The following ZNF317 variants were observed in gnomAD, a reference collection of about 807,000 sequenced individuals.
The protein encoded by ZNF317 is zinc finger protein 317, also known as KRAB-containing zinc finger protein 317.
Under a neutral mutation model 23.4 loss-of-function variants are expected in ZNF317, and 17 were observed. That is an observed-to-expected ratio of 0.73 (90% CI 0.50 to 1.09). The LOEUF is 1.09. ZNF317 is among the 50% of genes least tolerant of loss of function. The probability of loss-of-function intolerance (pLI) is 0.00; values close to 1 mark genes in which losing one functional copy is unlikely to be tolerated. For synonymous variants in ZNF317, 317 were observed against 314.9 expected (o/e 1.01, Z -0.07); for missense variants, 679 against 796.7 (o/e 0.85, Z 1.78).
In ZNF317 at chr19:9,157,253, T is replaced by G; in HGVS notation, c.163-15T>G. The stretch of plus-strand genomic sequence containing the variant: ...GCTGGTTCCTCGCTGACCCCAAGTT[T>G]GTGTGGCGTTCCAGGAATCGGTGAC... On this transcript the variant is annotated splice_polypyrimidine_tract_variant and intron_variant, in intron 3 of 6. Coordinates refer to ENST00000247956, the MANE Select transcript of ZNF317 (RefSeq NM_020933.5). The G allele has an allele frequency of 6.2e-7, 1 of 1,613,294 alleles. No individual in the cohort carries two copies. Among genetic ancestry groups the G allele is most frequent in the Non-Finnish European group, 8.5e-7 (1 of 1,179,586 alleles).
At chr19:9,155,472 A>T (rs562934044) in intron 1 of ZNF317, among the ~76,000 whole-genome samples, 1 of 152,256 alleles carries the variant, frequency 6.6e-6, no homozygotes, top group Admixed American at 6.5e-5. Context: ...GATTCTAGTG[A>T]TGATGCAGTC....
chr19:9,147,974 G>A (rs8100137), intron 1 of ZNF317, among the ~76,000 whole-genome samples: 70,726 of 151,816 alleles, frequency 0.47, 17,422 homozygotes, highest in African/African-American at 0.64. Flanking sequence ...CGTGATGGCG[G>A]GTGAGTTCTC....
Position 9,158,367 on chromosome 19 carries a change from T to C in ZNF317, c.385+292T>C, listed in dbSNP as rs987469217. On this transcript the variant is annotated intron_variant, in intron 5 of 6. Transcript: ENST00000247956. ...ATTGCCTTAAATTTCTTTTTTCTTT[T>C]TTTTTTTTTTTTTTTTTTTTTTTTG... 1.2e-4 allele frequency among the ~76,000 whole-genome samples: 8 copies of C among 68,896 alleles called. No homozygotes were observed. The East Asian group carries it at 1.3e-3, about 12-fold the overall frequency. 45.2% of individuals were successfully genotyped at this position (68,896 alleles called of 152,430 possible).
At chr19:9,146,767 G>T (rs1210922794) in intron 1 of ZNF317, among the ~76,000 whole-genome samples, 1 of 152,114 alleles carries the variant, frequency 6.6e-6, no homozygotes, top group Non-Finnish European at 1.5e-5. Context: ...AATGGTTCTA[G>T]CAAGGGCAGA....
At chr19:9,141,119 C>T (rs148268032) in intron 1 of ZNF317, among the ~76,000 whole-genome samples, 1 of 152,114 alleles carries the variant, frequency 6.6e-6, no homozygotes, top group African/African-American at 2.4e-5. Flanking sequence ...CTATTCAGTT[C>T]AACATTTTGT....
At chr19:9,154,759 G>C (rs1258548624) in intron 1 of ZNF317, among the ~76,000 whole-genome samples, 1 of 152,200 alleles carries the variant, frequency 6.6e-6, no homozygotes, top group Non-Finnish European at 1.5e-5. Context: ...TGTTGGATCA[G>C]ATAGTCAGTG....
chr19:9,147,485 C>A (rs145077391), intron 1 of ZNF317, among the ~76,000 whole-genome samples: 2 of 152,040 alleles, frequency 1.3e-5, no homozygotes, highest in Non-Finnish European at 2.9e-5. Context: ...GGACTACAGG[C>A]GCCCGCCACC....
At position 9,140,419 on chromosome 19, in the gene ZNF317, T is replaced by C. The variant is rs771835828; in HGVS notation, c.-266T>C. The C allele has an allele frequency of 2.3e-5, 10 of 436,306 alleles. 1 individual carries two copies. The highest frequency in any genetic ancestry group is 4.8e-5 in the South Asian group (3 of 62,262). 27.0% of individuals were successfully genotyped at this position (436,306 alleles called of 1,614,324 possible). On this transcript the variant is annotated 5_prime_UTR_variant, in exon 1 of 7. Coordinates refer to ENST00000247956, the MANE Select transcript of ZNF317 (RefSeq NM_020933.5). ...GGCAGTGAAGCGGAAGCCATTACTC[T>C]CTGGAGTCGATTGCCCCGAGACACA...
chr19:9,157,323 T>C lies in ZNF317; in HGVS notation c.218T>C (p.Leu73Ser). Reference protein sequence around the residue: ...AVDFTEKEWPLLDSSQRKLYK... With the variant: ...AVDFTEKEWPSLDSSQRKLYK... ...GACTTTACCGAGAAGGAGTGGCCCT[T>C]GCTGGATTCTTCTCAGAGAAAACTG... The change falls in exon 4 of 7, where the codon TTG (leucine) becomes TCG (serine). Residue 73 changes from leucine to serine, a missense_variant. Leu to Ser is a moderately radical substitution (Grantham distance 145). Coordinates refer to ENST00000247956, the MANE Select transcript of ZNF317 (RefSeq NM_020933.5). 2 of 1,614,160 alleles carry C rather than the reference T, an allele frequency of 1.2e-6. No homozygotes were observed. The highest frequency in any genetic ancestry group is 1.7e-6 in the Non-Finnish European group (2 of 1,180,000).
chr19:9,153,876 G>C (rs1317082832), intron 1 of ZNF317, among the ~76,000 whole-genome samples: 4 of 152,180 alleles, frequency 2.6e-5, no homozygotes, highest in African/African-American at 9.7e-5. Flanking sequence ...TGGATGCTGG[G>C]TGTACTGAAT....
At position 9,161,046 on chromosome 19, in the gene ZNF317, A is replaced by G; in HGVS notation, c.1401A>G (p.Ile467Met). Residue 467 changes from isoleucine to methionine, a missense_variant, in exon 7 of 7, where the codon ATA (isoleucine) becomes ATG (methionine). Transcript: ENST00000247956. The surrounding 1 kb of genome is among the most constrained non-coding windows in gnomAD (Gnocchi z 4.0). ...CAAACCTCACCGCACACAGGAAGATACACACGCAAGAGAGACGCTACGAAT... is the reference window on the plus strand; with the variant it reads ...CAAACCTCACCGCACACAGGAAGATGCACACGCAAGAGAGACGCTACGAAT... ...ASSNLTAHRK[I>M]HTQERRYECA... 1 of 1,614,060 alleles carries G rather than the reference A, an allele frequency of 6.2e-7. No individual in the cohort carries two copies. The highest frequency in any genetic ancestry group is 8.5e-7 in the Non-Finnish European group (1 of 1,180,008).
chr19:9,154,058 T>TG (rs1277178953), intron 1 of ZNF317, among the ~76,000 whole-genome samples: 1 of 152,066 alleles, frequency 6.6e-6, no homozygotes, highest in Non-Finnish European at 1.5e-5. Flanking sequence ...AGCCAGGTAG[T>TG]GCGAGGGTCC....
rs373512315 is a variant in ZNF317, at chr19:9,159,837, T to G, written c.469-277T>G. The stretch of plus-strand genomic sequence containing the variant: ...GCTGGGATGACAGGCGTGAGCCACC[T>G]TGCCCAGCCTCAATTCAGTTTTAAG... On this transcript the variant is annotated intron_variant, in intron 6 of 6. Transcript: ENST00000247956. Among the ~76,000 whole-genome samples, 64 of 152,068 alleles carry G rather than the reference T, an allele frequency of 4.2e-4. 1 individual carries two copies. In the East Asian group the frequency reaches 9.1e-3, roughly 22 times the overall value.
Position 9,156,713 on chromosome 19 carries a change from G to C in ZNF317, c.127G>C (p.Gly43Arg). 1 of 1,614,128 alleles carries C rather than the reference G, an allele frequency of 6.2e-7. No homozygotes were observed. Among genetic ancestry groups the C allele is most frequent in the Non-Finnish European group, 8.5e-7 (1 of 1,180,030 alleles). Residue 43 changes from glycine (G) to arginine (R), a missense_variant, in exon 3 of 7, where the codon GGT becomes CGT. Gly to Arg is a moderately radical substitution (Grantham distance 125, BLOSUM62 -2). Coordinates refer to ENST00000247956, the MANE Select transcript of ZNF317 (RefSeq NM_020933.5). ...PQNLDLFVCS[G>R]LEPHTPSVGS... Reference sequence around the variant, plus strand: ...GAATTTGGACCTGTTCGTGTGCAGTGGTCTGGAGCCTCACACACCCAGTGT... The same window carrying C: ...GAATTTGGACCTGTTCGTGTGCAGTCGTCTGGAGCCTCACACACCCAGTGT...
rs1464518991 is a variant in ZNF317, at chr19:9,161,134, C to G, written c.1489C>G (p.Leu497Val). 6.2e-7 allele frequency: 1 copy of G among 1,614,156 alleles called. No individual in the cohort carries two copies. The highest frequency in any genetic ancestry group is 2.2e-5 in the East Asian group (1 of 44,858). The change falls in exon 7 of 7, where the codon CTT becomes GTT. Residue 497 changes from leucine (L) to valine (V), a missense_variant. Leu to Val is a conservative substitution (Grantham distance 32). Coordinates refer to ENST00000247956, the MANE Select transcript of ZNF317 (RefSeq NM_020933.5). This position sits in a 1 kb window ranked among gnomAD's most constrained non-coding sequence, Gnocchi z 4.0. ...CCGGCGGAGGCACATGAGCGTTCAC[C>G]TTGTAAAGAAACGAGTTGAGTGTAG... ...LSRRRHMSVHLVKKRVECRQC... is the reference protein window; with the variant it reads ...LSRRRHMSVHVVKKRVECRQC...
Position 9,161,017 on chromosome 19 carries a change from A to C in ZNF317, c.1372A>C (p.Ser458Arg). The C allele has an allele frequency of 6.2e-7, 1 of 1,613,952 alleles. No individual in the cohort carries two copies. The highest frequency in any genetic ancestry group is 1.1e-5 in the South Asian group (1 of 91,076). ...CDLCGKAFSA[S>R]SNLTAHRKIH... ...TCTCTGCGGGAAAGCTTTCAGCGCG[A>C]GTTCAAACCTCACCGCACACAGGAA... Residue 458 changes from serine to arginine, a missense_variant, in exon 7 of 7, where the codon AGT becomes CGT. Coordinates refer to ENST00000247956, the MANE Select transcript of ZNF317 (RefSeq NM_020933.5). This position sits in a 1 kb window ranked among gnomAD's most constrained non-coding sequence, Gnocchi z 4.0.
chr19:9,145,089 G>A (rs146626416), intron 1 of ZNF317, among the ~76,000 whole-genome samples: 4 of 152,356 alleles, frequency 2.6e-5, no homozygotes, highest in African/African-American at 4.8e-5. Context: ...TTGTTGCCCA[G>A]GCTGGAGTGC....
At position 9,156,147 on chromosome 19, in the gene ZNF317, T is replaced by C. The variant is rs1484231595; in HGVS notation, c.25+106T>C. The C allele has an allele frequency of 2.9e-5, 41 of 1,434,332 alleles. No individual in the cohort carries two copies. The East Asian group carries it at 8.0e-4, about 28-fold the overall frequency. The allele number at this position is 1,434,332 out of a possible 1,614,324, so 88.9% of individuals were successfully genotyped here. A position where few individuals can be genotyped will look rare whatever the true frequency, so the allele number is the denominator to read the frequency against. On this transcript the variant is annotated intron_variant, in intron 2 of 6. Transcript: ENST00000247956. ...ACCATAGAGGGCTGCTGGGAGAGGATGGGCAAGTGGAAAAGGGGTGGGAAC... is the reference window on the plus strand; with the variant it reads ...ACCATAGAGGGCTGCTGGGAGAGGACGGGCAAGTGGAAAAGGGGTGGGAAC...
intron 1 of ZNF317, among the ~76,000 whole-genome samples, chr19:9,146,170 T>C (rs1403579990): frequency 6.6e-6 from 1 of 151,944 alleles, no homozygotes; most frequent in Non-Finnish European, 1.5e-5. Flanking sequence ...CATCTGTCTG[T>C]ACTTTGTGTT....
Sources: gnomAD v4.1 joint callset for allele counts (sites outside exome capture counted in the v4.1 genomes callset) on GRCh38, gnomAD v4.1.1 for gene constraint, Gnocchi (gnomAD v3.1) non-coding constraint, MANE v1.5 for transcripts, NCBI Gene and HGNC (gene_info 2026-07-23, HGNC 2026-07-21) for gene names.